CADPS: variants seen among roughly 807,000 people sequenced by gnomAD.
CADPS encodes the protein calcium-dependent secretion activator 1.
A neutral mutation model predicts 167.3 loss-of-function variants in CADPS; 57 were observed. That is an observed-to-expected ratio of 0.34 (90% confidence interval 0.28 to 0.42). The LOEUF (loss-of-function observed/expected upper bound fraction) is 0.42, where lower values mean the gene tolerates loss of function less well. Ranked by LOEUF, CADPS falls within the 20% of genes least tolerant of loss-of-function variation. CADPS has a pLI of 1.00. For synonymous variants in CADPS, 676 were observed against 635.3 expected (o/e 1.06, Z -0.96); for missense variants, 1,414 against 1,738.1 (o/e 0.81, Z 3.32).
At chr3:62,628,625 C>CT (rs35812851) in intron 6 of CADPS, among the ~76,000 whole-genome samples, 136,961 of 145,476 alleles carry the variant, frequency 0.94, 64,550 homozygotes, top group East Asian at 0.99. Context: ...AACCATGAGC[C>CT]TTTTTTTTTT....
intron 28 of CADPS, among the ~76,000 whole-genome samples, chr3:62,431,015 T>C (rs1038874129): frequency 2.0e-5 from 3 of 152,198 alleles, no homozygotes; most frequent in Non-Finnish European, 2.9e-5. Flanking sequence ...GATGTCCTAG[T>C]AGCCTGGCTG....
chr3:62,800,572 A>G (rs1234751941), intron 1 of CADPS, among the ~76,000 whole-genome samples: 1 of 152,172 alleles, frequency 6.6e-6, no homozygotes, highest in Non-Finnish European at 1.5e-5. Context: ...CTTATTAAAT[A>G]TAGAAATATG....
At chr3:62,807,581 T>C (rs530279620) in intron 1 of CADPS, among the ~76,000 whole-genome samples, 7 of 151,994 alleles carry the variant, frequency 4.6e-5, no homozygotes, top group Non-Finnish European at 7.4e-5. Flanking sequence ...CAATCAAGTT[T>C]CTATCCAACA....
intron 5 of CADPS, among the ~76,000 whole-genome samples, chr3:62,649,363 G>A (rs1046212171): frequency 6.6e-6 from 1 of 151,806 alleles, no homozygotes; most frequent in Non-Finnish European, 1.5e-5. Flanking sequence ...AGTGATTTTG[G>A]TACATTTACT....
intron 8 of CADPS, among the ~76,000 whole-genome samples, chr3:62,576,925 T>G (rs1461722509): frequency 6.6e-6 from 1 of 151,972 alleles, no homozygotes; most frequent in Admixed American, 6.6e-5. Context: ...TGTATCATGA[T>G]TTGAATGTAT....
intron 1 of CADPS, among the ~76,000 whole-genome samples, chr3:62,775,981 G>A (rs73842236): frequency 1.6e-4 from 24 of 152,308 alleles, no homozygotes; most frequent in African/African-American, 4.1e-4. Context: ...TGGTTTGTGC[G>A]AAAGTACCAG....
chr3:62,533,987 G>A (rs1402322671), intron 12 of CADPS, among the ~76,000 whole-genome samples: 2 of 152,170 alleles, frequency 1.3e-5, no homozygotes, highest in Non-Finnish European at 2.9e-5. Context: ...GCAAATTAGA[G>A]CAGGTTTGGT....
At chr3:62,819,270 A>G (rs1044118636) in intron 1 of CADPS, among the ~76,000 whole-genome samples, 2 of 152,200 alleles carry the variant, frequency 1.3e-5, no homozygotes, top group East Asian at 1.9e-4. Context: ...GTAAACCACT[A>G]CATCAAGGAA....
chr3:62,561,930 C>T (rs2079236118), intron 9 of CADPS, among the ~76,000 whole-genome samples: 1 of 152,168 alleles, frequency 6.6e-6, no homozygotes, highest in Non-Finnish European at 1.5e-5. Flanking sequence ...TAGATACATT[C>T]ATTCTTTCAA....
chr3:62,486,998 G>T (rs895520815), intron 21 of CADPS, among the ~76,000 whole-genome samples: 3 of 152,226 alleles, frequency 2.0e-5, no homozygotes, highest in African/African-American at 7.2e-5. Flanking sequence ...TAAACTGACA[G>T]GGCACACTGG....
At chr3:62,671,947 AT>A (rs908888859) in intron 3 of CADPS, among the ~76,000 whole-genome samples, 1 of 151,676 alleles carries the variant, frequency 6.6e-6, no homozygotes, top group African/African-American at 2.4e-5. Flanking sequence ...ATTTATTTTA[AT>A]TTTTTTTATT....
chr3:62,851,024 T>C (rs1424432034), intron 1 of CADPS, among the ~76,000 whole-genome samples: 1 of 138,124 alleles, frequency 7.2e-6, no homozygotes, highest in Non-Finnish European at 1.6e-5. Context: ...TTTACCATTA[T>C]GTAATGGCCT....
chr3:62,853,699 G>T (rs184611671), intron 1 of CADPS, among the ~76,000 whole-genome samples: 1 of 151,486 alleles, frequency 6.6e-6, no homozygotes, highest in Non-Finnish European at 1.5e-5. Context: ...AGTGGCTCAC[G>T]CCTATAATCC....
intron 1 of CADPS, among the ~76,000 whole-genome samples, chr3:62,844,710 A>G (rs2077133096): frequency 6.6e-6 from 1 of 152,206 alleles, no homozygotes; most frequent in South Asian, 2.1e-4. Flanking sequence ...TCAACACACT[A>G]ATGCGATTGG....
rs572883970 is a variant in CADPS at position 62,637,471 on chromosome 3, C to T, written c.1325+8251G>A. Among the ~76,000 whole-genome samples, 58 of 152,302 alleles carry T rather than the reference C, an allele frequency of 3.8e-4. No homozygotes were observed. In the South Asian group the frequency reaches 8.7e-3, roughly 23 times the overall value. On this transcript the variant is annotated intron_variant, in intron 6 of 29. Coordinates refer to ENST00000383710, the MANE Select transcript of CADPS (RefSeq NM_003716.4). ...GGCAGAGAGCCTCTTTTTAGACTCA[C>T]GTGTTACACCTCACAGTGCTGATGT...
intron 3 of CADPS, among the ~76,000 whole-genome samples, chr3:62,740,395 C>T (rs2079954543): frequency 6.6e-6 from 1 of 152,112 alleles, no homozygotes; most frequent in African/African-American, 2.4e-5. Context: ...ACTTAATGCC[C>T]CATGAGCCAT....
At chr3:62,712,269 C>T (rs1346214385) in intron 3 of CADPS, among the ~76,000 whole-genome samples, 1 of 151,942 alleles carries the variant, frequency 6.6e-6, no homozygotes, top group Non-Finnish European at 1.5e-5. Flanking sequence ...TTTGATAGAT[C>T]CCATCTTATT....
intron 3 of CADPS, among the ~76,000 whole-genome samples, chr3:62,690,427 G>A (rs2078893422): frequency 6.6e-6 from 1 of 151,974 alleles, no homozygotes; most frequent in Non-Finnish European, 1.5e-5. Flanking sequence ...AACTTTTTCA[G>A]CATTAGAGAT....
chr3:62,554,311 AC>A (rs2077763532), intron 10 of CADPS, among the ~76,000 whole-genome samples: 2 of 152,218 alleles, frequency 1.3e-5, no homozygotes, highest in Admixed American at 1.3e-4. Flanking sequence ...CACGTCAAGG[AC>A]CCAAACAGGT....
Sources: allele counts gnomAD v4.1 joint callset (sites outside exome capture counted in the v4.1 genomes callset), GRCh38; gene constraint gnomAD v4.1.1; transcripts MANE v1.5; gene names NCBI Gene and HGNC (gene_info 2026-07-23, HGNC 2026-07-21).